DAGLB: variants seen among roughly 807,000 people sequenced by gnomAD.
DAGLB encodes diacylglycerol lipase-beta.
A neutral mutation model predicts 72.1 loss-of-function variants in DAGLB; 66 were observed. That is an observed-to-expected ratio of 0.92 (90% CI 0.75 to 1.12). The LOEUF (loss-of-function observed/expected upper bound fraction) is 1.12, where lower values mean the gene tolerates loss of function less well. Ranked by LOEUF, DAGLB falls within the 50% of genes most tolerant of loss-of-function variation. DAGLB has a pLI of 0.00. For synonymous variants in DAGLB, 414 were observed against 359.5 expected (o/e 1.15, Z -1.71); for missense variants, 1,065 against 884.9 (o/e 1.20, Z -2.58).
intron 3 of DAGLB, 78 bp downstream of exon 3, chr7:6,436,284 C>T (rs1784653956): frequency 6.6e-7 from 1 of 1,511,542 alleles, no homozygotes. Context: ...GGACGCTGGA[C>T]TCTCTGTCAT....
rs778932854 is a variant in DAGLB at position 6,434,991 on chromosome 7, G to GA, written c.448dup (p.Ser150PhefsTer7). The GA allele has an allele frequency of 6.2e-7, 1 of 1,613,906 alleles. No homozygotes were observed. Among genetic ancestry groups the GA allele is most frequent in the Non-Finnish European group, 8.5e-7 (1 of 1,180,032 alleles). On this transcript the variant is annotated frameshift_variant, in exon 4 of 15. Transcript: ENST00000297056. LOFTEE classifies it high-confidence loss of function. ...AAGAGGGTCAAAGACAATGATAATG[G>GA]AAACCACTGTGGCAGCGATGATGAT...
At chr7:6,423,518 G>C (rs1784201764) in intron 8 of DAGLB, among the ~76,000 whole-genome samples, 1 of 152,110 alleles carries the variant, frequency 6.6e-6, no homozygotes, top group South Asian at 2.1e-4. Context: ...CCACCTCCCG[G>C]GTTCAAGCAA....
intron 11 of DAGLB, among the ~76,000 whole-genome samples, chr7:6,415,386 C>A (rs1173948978): frequency 6.6e-6 from 1 of 151,848 alleles, no homozygotes; most frequent in East Asian, 1.9e-4. Flanking sequence ...TCTTTACGTA[C>A]ATACTTTTTA....
intron 8 of DAGLB, among the ~76,000 whole-genome samples, chr7:6,424,439 G>C (rs749482324): frequency 6.6e-6 from 1 of 152,140 alleles, no homozygotes; most frequent in Non-Finnish European, 1.5e-5. Context: ...GAGGGCTCCC[G>C]GGTGTGGGGC....
rs771458012 is a variant in DAGLB, at chr7:6,416,898, G to A, written c.1242C>T (p.Tyr414=). The A allele has an allele frequency of 7.4e-6, 12 of 1,614,068 alleles. No individual in the cohort carries two copies. Among genetic ancestry groups the A allele is most frequent in the Middle Eastern group, 1.6e-4 (1 of 6,084 alleles). ...AHKGISQAAR[Y]VYQRLINDGI... ...CGTCGTTGATGAGTCGTTGGTAAAC[G>A]TATCTGGCAGCTTGAGAAATACCCT... is the stretch of plus-strand genomic sequence containing the variant. The change falls in exon 10 of 15, where the codon TAC becomes TAT. Residue 414 remains tyrosine, a synonymous_variant. Coordinates refer to ENST00000297056, the MANE Select transcript of DAGLB (RefSeq NM_139179.4).
At chr7:6,431,450 A>T (rs116697691) in intron 5 of DAGLB, among the ~76,000 whole-genome samples, 1 of 152,238 alleles carries the variant, frequency 6.6e-6, no homozygotes, top group East Asian at 1.9e-4. Context: ...TTGAACAGCA[A>T]ATTTCCTAAA....
chr7:6,418,943 C>T lies in DAGLB; in HGVS notation c.1219-2022G>A, dbSNP rs1025114986. ...CCTCCCAAAGTGCTGGGATTACAGG[C>T]GTGAGCCACCGCACCTGGCTGCAAC... On this transcript the variant is annotated intron_variant, in intron 9 of 14. Transcript: ENST00000297056. Among the ~76,000 whole-genome samples, 79 of 152,164 alleles carry T rather than the reference C, an allele frequency of 5.2e-4. 1 individual carries two copies. The highest frequency in any genetic ancestry group is 1.2e-4 in the Non-Finnish European group (8 of 68,010).
At chr7:6,435,093 C>G in intron 3 of DAGLB, 73 bp from the exon 4 acceptor site, 3 of 1,571,336 alleles carry the variant, frequency 1.9e-6, no homozygotes, top group South Asian at 1.2e-5. Context: ...GGGGTCCCTC[C>G]TCCAGGTTCA....
Position 6,436,448 on chromosome 7 carries a change from CCAGA to C in DAGLB, c.329_332del (p.Val110GlyfsTer20). On this transcript the variant is annotated frameshift_variant, in exon 3 of 15. Transcript: ENST00000297056. LOFTEE classifies it high-confidence loss of function. The stretch of plus-strand genomic sequence containing the variant: ...CCACCCAGGCAGCCCCCAGAGAGGC[CCAGA>C]CCATCTCTGGAAAAAACAGCGCCAG... 1.9e-6 allele frequency: 3 copies of C among 1,614,104 alleles called. No individual in the cohort carries two copies. Among genetic ancestry groups the C allele is most frequent in the Non-Finnish European group, 2.5e-6 (3 of 1,180,028 alleles).
At chr7:6,430,723 T>C (rs181817980) in intron 5 of DAGLB, 116 bp from the exon 6 acceptor site, 15 of 1,202,430 alleles carry the variant, frequency 1.2e-5, no homozygotes, top group South Asian at 7.9e-5. Context: ...CTTCGTTGAA[T>C]AGAACTCTCA....
In DAGLB at chr7:6,430,567, T is replaced by A. The variant is rs760981467; in HGVS notation, c.842A>T (p.Tyr281Phe). ...LDAELENCHH[Y>F]MQFAAAAYGW... is the part of the protein sequence containing the mutation. ...ATAGGCCGCTGCTGCAAACTGCATGTAATGATGGCAGTTTTCTAATTCTGC... is the reference window on the plus strand; with the variant it reads ...ATAGGCCGCTGCTGCAAACTGCATGAAATGATGGCAGTTTTCTAATTCTGC... The change falls in exon 6 of 15, where the codon TAC becomes TTC. Residue 281 changes from tyrosine (Y) to phenylalanine (F), a missense_variant. By Grantham distance (22) the Tyr-to-Phe change is conservative. Coordinates refer to ENST00000297056, the MANE Select transcript of DAGLB (RefSeq NM_139179.4). 68 of 1,604,332 alleles carry A rather than the reference T, an allele frequency of 4.2e-5. 2 individuals are homozygous for A. The South Asian group carries it at 5.1e-4, about 12-fold the overall frequency.
intron 3 of DAGLB, among the ~76,000 whole-genome samples, chr7:6,435,963 C>T (rs1255199009): frequency 1.3e-5 from 2 of 152,078 alleles, no homozygotes; most frequent in South Asian, 4.1e-4. Context: ...TATTCCCTGT[C>T]CCACTTCTGG....
At position 6,409,799 on chromosome 7, in the gene DAGLB, G is replaced by C; in HGVS notation, c.*38C>G. On this transcript the variant is annotated 3_prime_UTR_variant, in exon 15 of 15. Coordinates refer to ENST00000297056, the MANE Select transcript of DAGLB (RefSeq NM_139179.4). ...TAAGTCAGTTTAAGGACAAAAGCGT[G>C]AGTCCATCGTTCCTGGGACAGTTTC... 6.3e-7 allele frequency: 1 copy of C among 1,597,980 alleles called. No homozygotes were observed. Among genetic ancestry groups the C allele is most frequent in the Non-Finnish European group, 8.5e-7 (1 of 1,170,640 alleles).
intron 7 of DAGLB, 56 bp downstream of exon 7, chr7:6,425,932 T>A: frequency 1.2e-6 from 2 of 1,600,012 alleles, no homozygotes; most frequent in Non-Finnish European, 1.7e-6. Flanking sequence ...CATCAGAATC[T>A]CTAACAGCTC....
Position 6,416,617 on chromosome 7 carries a change from A to G in DAGLB, c.1427+10T>C. ...TAGCAAGCTGTTAGAGCAGGAAAAC[A>G]AAGGCTCACCTCCACAGCCCCCGGG... On this transcript the variant is annotated intron_variant, in intron 11 of 14. Coordinates refer to ENST00000297056, the MANE Select transcript of DAGLB (RefSeq NM_139179.4). The G allele has an allele frequency of 6.3e-7, 1 of 1,585,172 alleles. No individual in the cohort carries two copies. The highest frequency in any genetic ancestry group is 8.6e-7 in the Non-Finnish European group (1 of 1,167,870).
Position 6,424,767 on chromosome 7 carries a change from C to T in DAGLB, c.1125G>A (p.Gly375=), listed in dbSNP as rs749340631. 3 of 1,613,712 alleles carry T rather than the reference C, an allele frequency of 1.9e-6. No individual in the cohort carries two copies. The Admixed American group carries it at 5.0e-5, about 27-fold the overall frequency. Residue 375 remains glycine (G), a synonymous_variant, in exon 8 of 15, where the codon GGG becomes GGA. Transcript: ENST00000297056. Reference sequence around the variant, plus strand: ...CCAACGTTACCTGCAGAGACATGGTCCCCCTCACAGCGACCACAACAGACT... The same window carrying T: ...CCAACGTTACCTGCAGAGACATGGTTCCCCTCACAGCGACCACAACAGACT... ...RKESVVVAVR[G]TMSLQDVLTD...
chr7:6,415,776 C>T (rs921185229), intron 11 of DAGLB, among the ~76,000 whole-genome samples: 14 of 148,746 alleles, frequency 9.4e-5, no homozygotes, highest in Admixed American at 2.0e-4. Flanking sequence ...AGCTGGGAGA[C>T]GGAGGTTGCA....
Position 6,416,914 on chromosome 7 carries a change from GA to G in DAGLB, c.1225del (p.Ser409LeufsTer17), listed in dbSNP as rs1194410867. The G allele has an allele frequency of 6.2e-7, 1 of 1,614,172 alleles. No homozygotes were observed. The highest frequency in any genetic ancestry group is 8.5e-7 in the Non-Finnish European group (1 of 1,180,032). The stretch of plus-strand genomic sequence containing the variant: ...TTGGTAAACGTATCTGGCAGCTTGA[GA>G]AATACCCTAAAAACACAGACAAAGA... ...VQDRLAHKGI[S>X]QAARYVYQRL... On this transcript the variant is annotated frameshift_variant, in exon 10 of 15. Coordinates refer to ENST00000297056, the MANE Select transcript of DAGLB (RefSeq NM_139179.4). LOFTEE classifies it high-confidence loss of function.
chr7:6,436,564 G>A (rs768890674), intron 2 of DAGLB, 31 bp from the exon 3 acceptor site: 2 of 1,613,210 alleles, frequency 1.2e-6, no homozygotes, highest in Non-Finnish European at 8.5e-7. Flanking sequence ...CGACTGCTCA[G>A]TTGCTTCCTC....
Sources: gnomAD v4.1 joint callset for allele counts (sites outside exome capture counted in the v4.1 genomes callset) on GRCh38, gnomAD v4.1.1 for gene constraint, MANE v1.5 for transcripts, NCBI Gene and HGNC (gene_info 2026-07-23, HGNC 2026-07-21) for gene names.